The following SCHIP1 variants were observed in gnomAD, a reference collection of about 807,000 sequenced individuals.
SCHIP1 encodes schwannomin interacting protein 1.
Under a neutral mutation model 29.7 loss-of-function variants are expected in SCHIP1, and 8 were observed. The ratio of observed to expected loss-of-function variants is 0.27; its 90% CI spans 0.16 to 0.49. The LOEUF is 0.49. SCHIP1 is among the 20% of genes least tolerant of loss of function. The probability of loss-of-function intolerance (pLI) is 0.99; values close to 1 mark genes in which losing one functional copy is unlikely to be tolerated. For missense variants in SCHIP1, 193 were observed against 294.6 expected (o/e 0.66, Z 2.52); for synonymous variants, 76 against 94.9 (o/e 0.80, Z 1.16).
At chr3:159,682,223 A>C in the SCHIP1 span, among the ~76,000 whole-genome samples, 2 of 152,216 alleles carry the variant, frequency 1.3e-5, no homozygotes, top group Admixed American at 1.3e-4. Flanking sequence ...AACACATAGT[A>C]AGCACTCAAT....
At chr3:159,680,686 TGTA>T in the SCHIP1 span, among the ~76,000 whole-genome samples, 1 of 66,878 alleles carries the variant, frequency 1.5e-5, no homozygotes, top group Non-Finnish European at 2.5e-5. Flanking sequence ...ATATAATATA[TGTA>T]TATATATAAT....
the SCHIP1 span, among the ~76,000 whole-genome samples, chr3:159,441,015 G>GA: frequency 6.6e-6 from 1 of 152,186 alleles, no homozygotes; most frequent in African/African-American, 2.4e-5. Context: ...CGCAGTGATA[G>GA]AAGAGGCACT....
At chr3:159,664,783 G>A in the SCHIP1 span, among the ~76,000 whole-genome samples, 1 of 152,348 alleles carries the variant, frequency 6.6e-6, no homozygotes, top group Non-Finnish European at 1.5e-5. Context: ...TGAGGCTGGA[G>A]AGAACACCTA....
At chr3:159,309,332 G>C in the SCHIP1 span, 1 of 154,560 alleles carries the variant, frequency 6.5e-6, no homozygotes, top group African/African-American at 2.4e-5. Flanking sequence ...TTAGACTCCT[G>C]TCACTCCAAA....
chr3:159,583,801 G>T, the SCHIP1 span, among the ~76,000 whole-genome samples: 8 of 152,094 alleles, frequency 5.3e-5, no homozygotes, highest in Admixed American at 5.3e-4. Context: ...CGTTAGTTTT[G>T]TGCATGTTTT....
intron 2 of SCHIP1, among the ~76,000 whole-genome samples, chr3:159,870,301 C>T (rs1005085142): frequency 3.3e-5 from 5 of 151,930 alleles, no homozygotes; most frequent in African/African-American, 1.2e-4. Flanking sequence ...GCTAATTTCT[C>T]ATATTAAATG....
At chr3:159,575,539 G>T in the SCHIP1 span, among the ~76,000 whole-genome samples, 388 of 152,152 alleles carry the variant, frequency 2.6e-3, 2 homozygotes, top group African/African-American at 8.9e-3. Context: ...AGGCTCAAGC[G>T]ATCCTCCTAA....
At chr3:159,643,882 C>T in the SCHIP1 span, among the ~76,000 whole-genome samples, 2 of 152,010 alleles carry the variant, frequency 1.3e-5, no homozygotes, top group South Asian at 4.2e-4. Context: ...ATTTCATTTC[C>T]ACAGTTTCTC....
the SCHIP1 span, among the ~76,000 whole-genome samples, chr3:159,819,887 AC>A: frequency 6.6e-6 from 1 of 152,000 alleles, no homozygotes; most frequent in Non-Finnish European, 1.5e-5. Flanking sequence ...TCTTCCTGTC[AC>A]CCTTAGGTGA....
the SCHIP1 span, among the ~76,000 whole-genome samples, chr3:159,815,647 T>C: frequency 0.25 from 38,089 of 152,090 alleles, 4,973 homozygotes; most frequent in Middle Eastern, 0.34. Context: ...AGTAGGAGAA[T>C]AAATTATTTA....
At chr3:159,494,616 C>G in the SCHIP1 span, among the ~76,000 whole-genome samples, 1 of 152,142 alleles carries the variant, frequency 6.6e-6, no homozygotes, top group African/African-American at 2.4e-5. Flanking sequence ...TAATTAATAG[C>G]TTACTGACCA....
chr3:159,887,912 A>G lies in SCHIP1; in HGVS notation c.465+7A>G, dbSNP rs1717115067. 1 of 1,613,948 alleles carries G rather than the reference A, an allele frequency of 6.2e-7. No individual in the cohort carries two copies. Among genetic ancestry groups the G allele is most frequent in the Non-Finnish European group, 8.5e-7 (1 of 1,179,834 alleles). On this transcript the variant is annotated splice_region_variant and intron_variant, in intron 4 of 6. Transcript: ENST00000445224. Reference sequence around the variant, plus strand: ...GTCTCCCGTCGCTGATCTTGTAAGCAGCAAAGGCTGAAATGCAAGGAAGTG... The same window carrying G: ...GTCTCCCGTCGCTGATCTTGTAAGCGGCAAAGGCTGAAATGCAAGGAAGTG...
At chr3:159,766,490 T>C in the SCHIP1 span, among the ~76,000 whole-genome samples, 4 of 152,210 alleles carry the variant, frequency 2.6e-5, no homozygotes, top group Non-Finnish European at 2.9e-5. Context: ...TACCTTGCAA[T>C]AGAAAATATC....
At chr3:159,858,905 T>C (rs931335075) in intron 1 of SCHIP1, among the ~76,000 whole-genome samples, 2 of 152,224 alleles carry the variant, frequency 1.3e-5, no homozygotes, top group African/African-American at 4.8e-5. Context: ...GATGCAAAGA[T>C]AAGAAATTTC....
At chr3:159,407,409 G>C in the SCHIP1 span, among the ~76,000 whole-genome samples, 1 of 152,162 alleles carries the variant, frequency 6.6e-6, no homozygotes, top group Non-Finnish European at 1.5e-5. Context: ...TAGAGGTAAA[G>C]AGAGAGATGG....
At chr3:159,583,555 G>T in the SCHIP1 span, among the ~76,000 whole-genome samples, 3 of 152,128 alleles carry the variant, frequency 2.0e-5, no homozygotes, top group Non-Finnish European at 4.4e-5. Flanking sequence ...GCTGGAAAAG[G>T]TGCACTGTCT....
the SCHIP1 span, among the ~76,000 whole-genome samples, chr3:159,650,418 A>C: frequency 6.6e-6 from 1 of 152,126 alleles, no homozygotes; most frequent in Non-Finnish European, 1.5e-5. Flanking sequence ...GTATTCACAA[A>C]ATTTATTTTA....
chr3:159,664,948 G>A, the SCHIP1 span, among the ~76,000 whole-genome samples: 11 of 148,556 alleles, frequency 7.4e-5, no homozygotes, highest in Non-Finnish European at 2.9e-5. Flanking sequence ...CCAGCAATCT[G>A]TGCTTTATAC....
chr3:159,891,381 AAAGGAAGG>A lies in SCHIP1; in HGVS notation c.590-707_590-700del, dbSNP rs1003110379. Among the ~76,000 whole-genome samples the A allele has an allele frequency of 2.6e-5, 4 of 152,072 alleles. No homozygotes were observed. The East Asian group carries it at 5.9e-4, about 22-fold the overall frequency. On this transcript the variant is annotated intron_variant, in intron 5 of 6. Coordinates refer to ENST00000445224, the Ensembl canonical transcript of SCHIP1. Reference sequence around the variant, plus strand: ...GTGAGATTCCGTTTCAAAAAAAGAAAAAGGAAGGAAGGAAGGGAGGGAGGGAGGAAGGG... The same window carrying A: ...GTGAGATTCCGTTTCAAAAAAAGAAAAAGGAAGGGAGGGAGGGAGGAAGGG...
Sources: allele counts gnomAD v4.1 joint callset (sites outside exome capture counted in the v4.1 genomes callset), GRCh38; gene constraint gnomAD v4.1.1; transcripts MANE v1.5; gene names NCBI Gene and HGNC (gene_info 2026-07-23, HGNC 2026-07-21).